Variants in IQSEC1 observed in about 807,000 individuals in gnomAD.
IQSEC1 encodes IQ motif and SEC7 domain-containing protein 1.
A neutral mutation model predicts 91.0 loss-of-function variants in IQSEC1; 31 were observed. That is an observed-to-expected ratio of 0.34 (90% confidence interval 0.26 to 0.46). The LOEUF (loss-of-function observed/expected upper bound fraction) is 0.46. Among genes scored for constraint, IQSEC1 ranks in the 20% least tolerant of loss-of-function variants. The pLI is 1.00. For missense variants in IQSEC1, 1,388 were observed against 1,575.6 expected (o/e 0.88, Z 2.02); for synonymous variants, 699 against 662.6 (o/e 1.05, Z -0.84).
rs192335263 is a variant in IQSEC1, at chr3:13,119,085, A to T, written c.302+45019T>A. Among the ~76,000 whole-genome samples the T allele has an allele frequency of 9.7e-4, 147 of 152,222 alleles. 3 individuals are homozygous for T. The highest frequency in any genetic ancestry group is 3.3e-3 in the African/African-American group (137 of 41,516). The stretch of plus-strand genomic sequence containing the variant: ...CAAGACTCTGTCTCAAAAAAAAAAA[A>T]TGGTGAAAATGGCAAATTTTATGTT... On this transcript the variant is annotated intron_variant, in intron 2 of 15. Coordinates refer to the IQSEC1 transcript ENST00000648114.
At chr3:13,184,062 G>T (rs1370485674) in intron 1 of IQSEC1, among the ~76,000 whole-genome samples, 1 of 152,200 alleles carries the variant, frequency 6.6e-6, no homozygotes, top group Non-Finnish European at 1.5e-5. Context: ...CTTATGAAAT[G>T]GCTTCACTAG....
At chr3:13,101,869 C>G (rs1427716995) in intron 2 of IQSEC1, among the ~76,000 whole-genome samples, 1 of 151,910 alleles carries the variant, frequency 6.6e-6, no homozygotes, top group Admixed American at 6.6e-5. Context: ...CTAACACTGG[C>G]CTCCTTCCCC....
intron 2 of IQSEC1, among the ~76,000 whole-genome samples, chr3:13,163,129 C>T (rs1707208084): frequency 6.6e-6 from 1 of 152,150 alleles, no homozygotes; most frequent in Admixed American, 6.5e-5. Context: ...AAGCACATAG[C>T]CGACTGCCCC....
At chr3:12,984,563 G>A (rs1163931809) in intron 1 of IQSEC1, among the ~76,000 whole-genome samples, 1 of 152,148 alleles carries the variant, frequency 6.6e-6, no homozygotes, top group Non-Finnish European at 1.5e-5. Context: ...AACAGTGAAT[G>A]CTGCTCCTCC....
chr3:13,038,808 T>C (rs1229367801), intron 1 of IQSEC1, among the ~76,000 whole-genome samples: 3 of 152,180 alleles, frequency 2.0e-5, no homozygotes, highest in East Asian at 1.9e-4. Context: ...CACTAAGCCA[T>C]GAATTCTCCA....
At chr3:12,952,242 G>C (rs1170033277) in intron 1 of IQSEC1, among the ~76,000 whole-genome samples, 2 of 152,264 alleles carry the variant, frequency 1.3e-5, no homozygotes, top group East Asian at 3.9e-4. Flanking sequence ...TTGAGGCCTA[G>C]TAGACAGCCC....
intron 2 of IQSEC1, among the ~76,000 whole-genome samples, chr3:13,154,107 G>A (rs1446047554): frequency 6.6e-6 from 1 of 151,828 alleles, no homozygotes; most frequent in Non-Finnish European, 1.5e-5. Context: ...ATCCACATGG[G>A]GGAGCCAAGG....
chr3:13,158,961 C>CAAA (rs35652080), intron 2 of IQSEC1, among the ~76,000 whole-genome samples: 17 of 140,796 alleles, frequency 1.2e-4, no homozygotes, highest in African/African-American at 4.4e-4. Flanking sequence ...GACTCGGTCT[C>CAAA]AAAAAAAAAA....
intron 1 of IQSEC1, among the ~76,000 whole-genome samples, chr3:13,061,359 C>T (rs1368400477): frequency 6.6e-6 from 1 of 152,208 alleles, no homozygotes; most frequent in Non-Finnish European, 1.5e-5. Flanking sequence ...TCTCATGTAA[C>T]ATACAATGCC....
At chr3:13,099,750 C>T (rs1417031666) in intron 2 of IQSEC1, among the ~76,000 whole-genome samples, 1 of 152,240 alleles carries the variant, frequency 6.6e-6, no homozygotes, top group Non-Finnish European at 1.5e-5. Context: ...AAAGCCCTCT[C>T]TACCTCAAAG....
chr3:13,133,443 T>TG (rs1311198416), intron 2 of IQSEC1, among the ~76,000 whole-genome samples: 1 of 152,194 alleles, frequency 6.6e-6, no homozygotes, highest in African/African-American at 2.4e-5. Flanking sequence ...TGCTGCTTGC[T>TG]GGGGGTGAGT....
intron 1 of IQSEC1, among the ~76,000 whole-genome samples, chr3:12,945,903 T>C (rs749056601): frequency 6.4e-4 from 98 of 152,230 alleles, no homozygotes; most frequent in Admixed American, 2.7e-3. Flanking sequence ...TTATCGAACT[T>C]AAATGATGTG....
intron 1 of IQSEC1, among the ~76,000 whole-genome samples, chr3:13,026,743 G>C (rs1260167921): frequency 2.0e-5 from 3 of 152,178 alleles, no homozygotes; most frequent in African/African-American, 7.2e-5. Context: ...CCTGCACTTG[G>C]ATGACCTGTC....
At chr3:13,044,685 C>T (rs1460477161) in intron 1 of IQSEC1, among the ~76,000 whole-genome samples, 2 of 152,234 alleles carry the variant, frequency 1.3e-5, no homozygotes, top group South Asian at 2.1e-4. Flanking sequence ...CCCACTCCTC[C>T]CCCGCCCCCC....
At chr3:13,219,756 G>A (rs565617505) in intron 1 of IQSEC1, among the ~76,000 whole-genome samples, 7 of 152,352 alleles carry the variant, frequency 4.6e-5, no homozygotes, top group African/African-American at 1.2e-4. Context: ...GGCCTGCCAC[G>A]TGGCCACCAG....
chr3:13,157,948 G>A (rs1234922012), intron 2 of IQSEC1, among the ~76,000 whole-genome samples: 2 of 152,208 alleles, frequency 1.3e-5, no homozygotes, highest in Non-Finnish European at 2.9e-5. Flanking sequence ...CACACCCTTA[G>A]TAGTTAGCAC....
intron 2 of IQSEC1, among the ~76,000 whole-genome samples, chr3:12,938,437 G>A (rs1380269411): frequency 1.3e-5 from 2 of 152,130 alleles, no homozygotes; most frequent in Non-Finnish European, 2.9e-5. Context: ...GGCTCTGGGT[G>A]GTCCCAGCAG....
At chr3:13,020,755 T>C (rs1703361007) in intron 1 of IQSEC1, among the ~76,000 whole-genome samples, 1 of 152,202 alleles carries the variant, frequency 6.6e-6, no homozygotes, top group Admixed American at 6.5e-5. Flanking sequence ...CACACTACCC[T>C]TGAACTGGGC....
At chr3:13,264,369 G>A (rs1695446745) in intron 1 of IQSEC1, among the ~76,000 whole-genome samples, 1 of 152,234 alleles carries the variant, frequency 6.6e-6, no homozygotes, top group Non-Finnish European at 1.5e-5. Context: ...AAGGACAGCA[G>A]GGGCAGAAGG....
Sources: gnomAD v4.1 joint callset for allele counts (sites outside exome capture counted in the v4.1 genomes callset) on GRCh38, gnomAD v4.1.1 for gene constraint, MANE v1.5 for transcripts, NCBI Gene and HGNC (gene_info 2026-07-23, HGNC 2026-07-21) for gene names.